Variants in ERO1A observed in about 807,000 individuals in gnomAD.
ERO1A encodes ERO1-like protein alpha.
Under a neutral mutation model 76.9 loss-of-function variants are expected in ERO1A, and 49 were observed. That is an observed-to-expected ratio of 0.64 (90% CI 0.51 to 0.81). The LOEUF (loss-of-function observed/expected upper bound fraction) is 0.81, where lower values mean the gene tolerates loss of function less well. Ranked by LOEUF, ERO1A falls within the 30% of genes least tolerant of loss-of-function variation. The pLI is 0.00. For missense variants in ERO1A, 448 were observed against 542.1 expected (o/e 0.83, Z 1.72); for synonymous variants, 174 against 181.2 (o/e 0.96, Z 0.32).
chr14:52,679,555 G>A (rs2040919461), intron 3 of ERO1A, among the ~76,000 whole-genome samples: 2 of 151,848 alleles, frequency 1.3e-5, no homozygotes, highest in South Asian at 4.2e-4. Flanking sequence ...ACCCTGCTAT[G>A]TCCAGCTCAT....
Position 52,653,055 on chromosome 14 carries a change from A to C in ERO1A, c.1055+14T>G, listed in dbSNP as rs1188478588. The C allele has an allele frequency of 2.0e-6, 3 of 1,471,986 alleles. No homozygotes were observed. Among genetic ancestry groups the C allele is most frequent in the South Asian group, 1.2e-5 (1 of 85,804 alleles). The allele number at this position is 1,471,986 out of a possible 1,614,324, so 91.2% of individuals were successfully genotyped here. A position where few individuals can be genotyped will look rare whatever the true frequency, so the allele number is the denominator to read the frequency against. ...ACTCTTCTATTAATGTATAAAGTTT[A>C]ATATATAATTTACTTGATTTCATGA... On this transcript the variant is annotated intron_variant, in intron 12 of 15. Coordinates refer to ENST00000395686, the MANE Select transcript of ERO1A (RefSeq NM_014584.3).
chr14:52,643,489 T>C lies in ERO1A; in HGVS notation c.*81A>G, dbSNP rs2039541970. 1.1e-6 allele frequency: 1 copy of C among 893,162 alleles called. No homozygotes were observed. The highest frequency in any genetic ancestry group is 1.8e-5 in the African/African-American group (1 of 55,770). The allele number at this position is 893,162 out of a possible 1,614,324, so 55.3% of individuals were successfully genotyped here. A position where few individuals can be genotyped will look rare whatever the true frequency, so the allele number is the denominator to read the frequency against. On this transcript the variant is annotated 3_prime_UTR_variant, in exon 16 of 16. Coordinates refer to ENST00000395686, the MANE Select transcript of ERO1A (RefSeq NM_014584.3). ...ATATAAAATGTTTGGCTTAAGACTG[T>C]CATTGCTATTATGCCTTTGAATGAA...
rs1200188518 is a variant in ERO1A, at chr14:52,643,128, G to A, written c.*442C>T. The A allele has an allele frequency of 1.3e-5, 2 of 152,280 alleles. No homozygotes were observed. The highest frequency in any genetic ancestry group is 3.8e-4 in the East Asian group (2 of 5,198). 9.4% of individuals were successfully genotyped at this position (152,280 alleles called of 1,614,324 possible). A position where few individuals can be genotyped will look rare whatever the true frequency, so the allele number is the denominator to read the frequency against. The stretch of plus-strand genomic sequence containing the variant: ...TCTTTATTTTTATTTGCTAAATCCA[G>A]CAACCCTAAATGTACTGAAAAATTC... On this transcript the variant is annotated 3_prime_UTR_variant, in exon 16 of 16. Transcript: ENST00000395686.
chr14:52,673,713 T>C (rs1412392310), intron 4 of ERO1A, among the ~76,000 whole-genome samples: 1 of 150,918 alleles, frequency 6.6e-6, no homozygotes, highest in Non-Finnish European at 1.5e-5. Flanking sequence ...ACTTAGTATA[T>C]ATATAAATCA....
At chr14:52,692,355 C>T (rs754217122) in intron 1 of ERO1A, among the ~76,000 whole-genome samples, 1 of 152,130 alleles carries the variant, frequency 6.6e-6, no homozygotes, top group Non-Finnish European at 1.5e-5. Flanking sequence ...CAAATCAGAG[C>T]GGACATTCTG....
chr14:52,683,477 TTAA>T (rs1286813424), intron 2 of ERO1A, among the ~76,000 whole-genome samples: 2 of 152,214 alleles, frequency 1.3e-5, no homozygotes, highest in Non-Finnish European at 2.9e-5. Flanking sequence ...TTTAATTATT[TTAA>T]TTAATTGGAG....
At chr14:52,644,659 T>C (rs1167892945) in intron 15 of ERO1A, among the ~76,000 whole-genome samples, 8 of 152,152 alleles carry the variant, frequency 5.3e-5, no homozygotes, top group Admixed American at 5.2e-4. Flanking sequence ...TGCATAAGTA[T>C]ATGAATACTT....
In ERO1A at chr14:52,643,543, A is replaced by G; in HGVS notation, c.*27T>C. 1 of 1,440,628 alleles carries G rather than the reference A, an allele frequency of 6.9e-7. No individual in the cohort carries two copies. The highest frequency in any genetic ancestry group is 9.2e-7 in the Non-Finnish European group (1 of 1,086,466). 89.2% of individuals were successfully genotyped at this position (1,440,628 alleles called of 1,614,324 possible). On this transcript the variant is annotated 3_prime_UTR_variant, in exon 16 of 16. Transcript: ENST00000395686. ...CCACTCTTTCGCCTCCATTGTCCAG[A>G]AACAGGCACATATCAGCTTGTTTTC...
chr14:52,689,799 T>G (rs2041295991), intron 1 of ERO1A, among the ~76,000 whole-genome samples: 1 of 152,134 alleles, frequency 6.6e-6, no homozygotes, highest in Non-Finnish European at 1.5e-5. Flanking sequence ...AAAATTTGGA[T>G]GGAACAGCAA....
chr14:52,681,041 G>T (rs2040976011), intron 3 of ERO1A, among the ~76,000 whole-genome samples: 1 of 151,538 alleles, frequency 6.6e-6, no homozygotes, highest in Non-Finnish European at 1.5e-5. Flanking sequence ...TTGCTGGTAG[G>T]AATGTAAAAC....
Position 52,642,763 on chromosome 14 carries a change from A to T in ERO1A, c.*807T>A, listed in dbSNP as rs1035686865. 1 of 152,620 alleles carries T rather than the reference A, an allele frequency of 6.6e-6. No individual in the cohort carries two copies. Among genetic ancestry groups the T allele is most frequent in the Non-Finnish European group, 1.5e-5 (1 of 68,026 alleles). The allele number at this position is 152,620 out of a possible 1,614,324, so 9.5% of individuals were successfully genotyped here. Reference sequence around the variant, plus strand: ...TCTGTAAATTGGAAATTATATAAAAATAAAAAGTGTTCCCCAAATTTTATT... The same window carrying T: ...TCTGTAAATTGGAAATTATATAAAATTAAAAAGTGTTCCCCAAATTTTATT... On this transcript the variant is annotated 3_prime_UTR_variant, in exon 16 of 16. Coordinates refer to ENST00000395686, the MANE Select transcript of ERO1A (RefSeq NM_014584.3).
At chr14:52,694,976 G>A (rs2041499931) in intron 1 of ERO1A, among the ~76,000 whole-genome samples, 1 of 152,210 alleles carries the variant, frequency 6.6e-6, no homozygotes, top group African/African-American at 2.4e-5. Flanking sequence ...CGCAGCACAG[G>A]TACTGGGTAC....
intron 13 of ERO1A, among the ~76,000 whole-genome samples, chr14:52,651,382 C>T (rs760538033): frequency 4.0e-5 from 6 of 149,862 alleles, no homozygotes; most frequent in Non-Finnish European, 8.9e-5. Flanking sequence ...CTTCAGAATT[C>T]TCTTCAGCAA....
intron 11 of ERO1A, among the ~76,000 whole-genome samples, chr14:52,655,962 T>C (rs1474109228): frequency 6.6e-6 from 1 of 152,210 alleles, no homozygotes; most frequent in African/African-American, 2.4e-5. Context: ...TGCTTAATTC[T>C]AGGTAATTAC....
intron 4 of ERO1A, among the ~76,000 whole-genome samples, chr14:52,675,507 G>C (rs2040755107): frequency 6.6e-6 from 1 of 152,020 alleles, no homozygotes; most frequent in South Asian, 2.1e-4. Flanking sequence ...TAATTTAAAA[G>C]TTATTTAGTC....
rs761670418 is a variant in ERO1A at position 52,666,705 on chromosome 14, C to T, written c.509-210G>A. ...CAGCACTTTGGGAGGCCAAGGTGGG[C>T]GGATCACTTGAGGTCAGGAGTTCGA... is the stretch of plus-strand genomic sequence containing the variant. On this transcript the variant is annotated intron_variant, in intron 6 of 15. Transcript: ENST00000395686. Among the ~76,000 whole-genome samples, 11 of 152,220 alleles carry T rather than the reference C, an allele frequency of 7.2e-5. No homozygotes were observed. The South Asian group carries it at 8.3e-4, about 11-fold the overall frequency.
intron 11 of ERO1A, among the ~76,000 whole-genome samples, chr14:52,655,306 A>G (rs1245030866): frequency 6.6e-6 from 1 of 152,130 alleles, no homozygotes; most frequent in Non-Finnish European, 1.5e-5. Flanking sequence ...CAGATGTTGT[A>G]GTGAGCCAAG....
chr14:52,683,323 T>C (rs898549345), intron 2 of ERO1A, among the ~76,000 whole-genome samples: 20 of 152,266 alleles, frequency 1.3e-4, no homozygotes, highest in African/African-American at 3.9e-4. Flanking sequence ...AGGTAGAGGA[T>C]AGACAATTGT....
At chr14:52,658,943 A>G (rs964036634) in intron 9 of ERO1A, among the ~76,000 whole-genome samples, 4 of 152,166 alleles carry the variant, frequency 2.6e-5, no homozygotes, top group African/African-American at 9.6e-5. Flanking sequence ...GTTTTCTACT[A>G]AAGTTGCTTA....
Sources: allele counts gnomAD v4.1 joint callset (sites outside exome capture counted in the v4.1 genomes callset), GRCh38; gene constraint gnomAD v4.1.1; transcripts MANE v1.5; gene names NCBI Gene and HGNC (gene_info 2026-07-23, HGNC 2026-07-21).